The following SNX24 variants were observed in gnomAD, a reference collection of about 807,000 sequenced individuals.
SNX24 encodes the protein sorting nexin 24.
In SNX24, 22 loss-of-function variants were observed where a neutral mutation model predicts 28.7. The ratio of observed to expected loss-of-function variants is 0.77; its 90% CI spans 0.55 to 1.10. SNX24 has a LOEUF of 1.10. SNX24 is among the 50% of genes least tolerant of loss of function. The pLI, the probability that SNX24 is intolerant of heterozygous loss-of-function variation, is 0.00. For missense variants in SNX24, 221 were observed against 201.1 expected (o/e 1.10, Z -0.60); for synonymous variants, 69 against 71.5 (o/e 0.96, Z 0.18).
At position 122,945,959 on chromosome 5, in the gene SNX24, T is replaced by A. The variant is rs951536946; in HGVS notation, c.145-96T>A. 1.1e-5 allele frequency: 7 copies of A among 612,032 alleles called. No homozygotes were observed. In the Admixed American group the frequency reaches 2.0e-4, roughly 17 times the overall value. 37.9% of individuals were successfully genotyped at this position (612,032 alleles called of 1,614,324 possible). A position where few individuals can be genotyped will look rare whatever the true frequency, so the allele number is the denominator to read the frequency against. Reference sequence around the variant, plus strand: ...TATTGCAGATAGCAGTAGTTCACTTTCTTTTATTGGCCTTTTTTCCCCAAA... The same window carrying A: ...TATTGCAGATAGCAGTAGTTCACTTACTTTTATTGGCCTTTTTTCCCCAAA... On this transcript the variant is annotated intron_variant, in intron 2 of 6. Transcript: ENST00000261369.
rs151091107 is a variant in SNX24 at position 122,991,716 on chromosome 5, C to G, written c.250-8196C>G. Reference sequence around the variant, plus strand: ...CCTCAAGTGATCCACCCGCCTTGGCCTCCCAAAGTTCTGGGATTATAGGTG... The same window carrying G: ...CCTCAAGTGATCCACCCGCCTTGGCGTCCCAAAGTTCTGGGATTATAGGTG... On this transcript the variant is annotated intron_variant, in intron 3 of 6. Coordinates refer to ENST00000261369, the MANE Select transcript of SNX24 (RefSeq NM_014035.4). 7.2e-3 allele frequency among the ~76,000 whole-genome samples: 1,098 copies of G among 152,326 alleles called. 13 individuals carry two copies. The highest frequency in any genetic ancestry group is 0.025 in the African/African-American group (1,019 of 41,576).
intron 3 of SNX24, among the ~76,000 whole-genome samples, chr5:122,949,208 A>T (rs1244884343): frequency 1.3e-5 from 2 of 152,218 alleles, no homozygotes; most frequent in South Asian, 2.1e-4. Context: ...AATGAAATTA[A>T]TGAAAGAAAT....
intron 1 of SNX24, among the ~76,000 whole-genome samples, chr5:122,927,202 A>G (rs531779398): frequency 6.6e-6 from 1 of 152,196 alleles, no homozygotes; most frequent in Non-Finnish European, 1.5e-5. Context: ...AGGTTAAACA[A>G]CTTGCTCCAA....
intron 3 of SNX24, among the ~76,000 whole-genome samples, chr5:122,975,201 A>G (rs755380098): frequency 6.6e-6 from 1 of 152,224 alleles, no homozygotes; most frequent in Non-Finnish European, 1.5e-5. Context: ...TCTCCACACC[A>G]GATTATCAGT....
chr5:122,997,671 G>T (rs188919438), intron 3 of SNX24, among the ~76,000 whole-genome samples: 1 of 152,284 alleles, frequency 6.6e-6, no homozygotes, highest in East Asian at 1.9e-4. Flanking sequence ...CCATACTGCG[G>T]TGATGGATGA....
chr5:122,907,636 G>A, intron 1 of SNX24, among the ~76,000 whole-genome samples: 1 of 152,192 alleles, frequency 6.6e-6, no homozygotes. Flanking sequence ...CAATGAATGG[G>A]AAGTAGTTGA....
intron 6 of SNX24, among the ~76,000 whole-genome samples, 157 bp from the exon 7 acceptor site, chr5:123,007,525 A>G (rs1360743825): frequency 6.6e-6 from 1 of 152,242 alleles, no homozygotes; most frequent in East Asian, 1.9e-4. Context: ...AGCATGACTG[A>G]TAGCACATCC....
chr5:122,861,567 C>T (rs1002030569), intron 1 of SNX24, among the ~76,000 whole-genome samples: 1 of 151,942 alleles, frequency 6.6e-6, no homozygotes, highest in Non-Finnish European at 1.5e-5. Context: ...TTTTTTTTAA[C>T]CTTCCTGGAA....
At chr5:122,970,464 T>C (rs1373018015) in intron 3 of SNX24, among the ~76,000 whole-genome samples, 1 of 152,122 alleles carries the variant, frequency 6.6e-6, no homozygotes, top group African/African-American at 2.4e-5. Context: ...ATTCCAGCCT[T>C]ATTCTGCACA....
intron 1 of SNX24, among the ~76,000 whole-genome samples, chr5:122,898,645 T>G (rs752852803): frequency 6.6e-6 from 1 of 152,154 alleles, no homozygotes; most frequent in Non-Finnish European, 1.5e-5. Flanking sequence ...CAATAACATT[T>G]TGTTTCTTAA....
intron 1 of SNX24, among the ~76,000 whole-genome samples, chr5:122,933,003 T>G (rs868124063): frequency 1.9e-4 from 29 of 152,318 alleles, no homozygotes; most frequent in Middle Eastern, 3.4e-3. Flanking sequence ...GGCAACATTT[T>G]TGGTAATTTA....
At chr5:122,891,305 TAAAGCTAAGTGTTAAATTAAA>T (rs1756957392) in intron 1 of SNX24, among the ~76,000 whole-genome samples, 1 of 152,196 alleles carries the variant, frequency 6.6e-6, no homozygotes. Flanking sequence ...AAGAATTCTT[TAAAGCTAAGTGTTAAATTAAA>T]AAAGCAAGTT....
chr5:123,011,254 C>A (rs115408275), downstream of SNX24, among the ~76,000 whole-genome samples: 529 of 152,270 alleles, frequency 3.5e-3, 3 homozygotes, highest in African/African-American at 0.011. Flanking sequence ...GTGGGGACAT[C>A]ATTTGTCCTG....
At chr5:123,010,899 T>C (rs1306436583), downstream of SNX24, among the ~76,000 whole-genome samples, 1 of 152,190 alleles carries the variant, frequency 6.6e-6, no homozygotes, top group East Asian at 1.9e-4. Flanking sequence ...TATCAGTATA[T>C]AAAGTGCTAT....
chr5:122,909,001 C>T (rs192019392), intron 1 of SNX24, among the ~76,000 whole-genome samples: 4 of 152,236 alleles, frequency 2.6e-5, no homozygotes, highest in Admixed American at 1.3e-4. Flanking sequence ...GCGAGACTGA[C>T]CTCACTGTGT....
rs542622970 is a variant in SNX24 at position 122,899,280 on chromosome 5, T to C, written c.61-37454T>C. Among the ~76,000 whole-genome samples the C allele has an allele frequency of 2.0e-3, 300 of 152,276 alleles. 2 individuals carry two copies. The highest frequency in any genetic ancestry group is 6.7e-3 in the African/African-American group (277 of 41,550). ...AGATGTTCTAAGGGGAGGGTTGGCA[T>C]AGGTAGTAGCAGCAGTAGCTTGAGT... On this transcript the variant is annotated intron_variant, in intron 1 of 6. Coordinates refer to ENST00000261369, the MANE Select transcript of SNX24 (RefSeq NM_014035.4).
rs752752692 is a variant in SNX24, at chr5:123,023,886, C to T, written n.384-5352C>T. The T allele has an allele frequency of 4.3e-6, 7 of 1,612,486 alleles. No homozygotes were observed. Among genetic ancestry groups the T allele is most frequent in the East Asian group, 4.5e-5 (2 of 44,864 alleles). ...TTCTGCCAGTTGTGTCACCAATCAG[C>T]GATCTCAACCACAAAAGGCGTTTTC... On this transcript the variant is annotated intron_variant and non_coding_transcript_variant, in intron 5 of 5. Coordinates refer to the SNX24 transcript ENST00000502387.
At chr5:123,023,776 A>G in intron 5 of SNX24, 1 of 1,404,892 alleles carries the variant, frequency 7.1e-7, no homozygotes, top group South Asian at 1.8e-5. Flanking sequence ...AGAAAGTAAA[A>G]AAAAAAAAGC....
At chr5:122,846,222 A>C (rs1433914069) in intron 1 of SNX24, among the ~76,000 whole-genome samples, 1 of 152,044 alleles carries the variant, frequency 6.6e-6, no homozygotes, top group Non-Finnish European at 1.5e-5. Flanking sequence ...AGTTCCATGA[A>C]ATGGCAAAAT....
Sources: gnomAD v4.1 joint callset for allele counts (sites outside exome capture counted in the v4.1 genomes callset) on GRCh38, gnomAD v4.1.1 for gene constraint, MANE v1.5 for transcripts, NCBI Gene and HGNC (gene_info 2026-07-23, HGNC 2026-07-21) for gene names.